KHDRBS2: variants seen among roughly 807,000 people sequenced by gnomAD.
The protein encoded by KHDRBS2 is KH RNA binding domain containing, signal transduction associated 2, also known as KH domain-containing, RNA-binding, signal transduction-associated protein 2.
KHDRBS2 carries 26 observed loss-of-function variants against 44.3 expected under a neutral mutation model. The ratio of observed to expected loss-of-function variants is 0.59; its 90% CI spans 0.43 to 0.81. KHDRBS2 has a LOEUF of 0.81. Among genes scored for constraint, KHDRBS2 ranks in the 40% least tolerant of loss-of-function variants. The pLI, the probability that KHDRBS2 is intolerant of heterozygous loss-of-function variation, is 0.00. For synonymous variants in KHDRBS2, 194 were observed against 151.1 expected, an observed-to-expected ratio of 1.28 and a Z score of -2.08; for missense variants, 476 against 433.1, an observed-to-expected ratio of 1.10 and a Z score of -0.88.
In KHDRBS2 at chr6:61,898,333, A is replaced by T. The variant is rs568235135; in HGVS notation, c.611+2911T>A. On this transcript the variant is annotated intron_variant, in intron 5 of 8. Coordinates refer to ENST00000281156, the MANE Select transcript of KHDRBS2 (RefSeq NM_152688.4). ...TTTCAAGCAATAACAAATATATAGT[A>T]TCGAGCACTTACTAAATATCCGATA... 3.9e-5 allele frequency among the ~76,000 whole-genome samples: 6 copies of T among 152,116 alleles called. No homozygotes were observed. In the South Asian group the frequency reaches 1.2e-3, roughly 32 times the overall value.
intron 3 of KHDRBS2, among the ~76,000 whole-genome samples, chr6:62,038,338 T>C (rs1785746979): frequency 6.6e-6 from 1 of 151,964 alleles, no homozygotes. Flanking sequence ...TTTTTTCTTT[T>C]TTGGTCTTTC....
rs7741757 is a variant in KHDRBS2 at position 62,111,762 on chromosome 6, G to A, written c.220-63768C>T. On this transcript the variant is annotated intron_variant, in intron 2 of 8. Transcript: ENST00000281156. The stretch of plus-strand genomic sequence containing the variant: ...CCGAGTATGGTGGCACACTTCTGTA[G>A]TCCTAGCTACATATGAGGCTGAGGT... 1.1e-3 allele frequency among the ~76,000 whole-genome samples: 162 copies of A among 152,058 alleles called. 1 individual carries two copies. The highest frequency in any genetic ancestry group is 3.7e-3 in the African/African-American group (152 of 41,496).
intron 1 of KHDRBS2, among the ~76,000 whole-genome samples, chr6:62,192,242 A>G (rs1824780732): frequency 1.3e-5 from 2 of 152,106 alleles, no homozygotes; most frequent in Admixed American, 6.6e-5. Flanking sequence ...TTACTAAGTT[A>G]TTTCTGATTT....
chr6:61,926,285 G>A (rs1389044467), intron 4 of KHDRBS2, among the ~76,000 whole-genome samples: 2 of 152,164 alleles, frequency 1.3e-5, no homozygotes, highest in African/African-American at 4.8e-5. Flanking sequence ...AGGACTGGGT[G>A]AGCTTAGAAG....
intron 2 of KHDRBS2, among the ~76,000 whole-genome samples, chr6:62,148,953 A>C (rs1814512909): frequency 6.6e-6 from 1 of 152,088 alleles, no homozygotes; most frequent in South Asian, 2.1e-4. Flanking sequence ...AAAAGAATGC[A>C]ACCACTTGCC....
intron 7 of KHDRBS2, among the ~76,000 whole-genome samples, chr6:61,710,567 GT>G (rs1326737420): frequency 2.6e-5 from 4 of 151,264 alleles, no homozygotes; most frequent in African/African-American, 4.9e-5. Flanking sequence ...AAAGACCCCA[GT>G]TTTTTTATGA....
At chr6:61,543,167 G>A in the KHDRBS2 span, among the ~76,000 whole-genome samples, 11 of 151,790 alleles carry the variant, frequency 7.2e-5, no homozygotes, top group Non-Finnish European at 2.9e-5. Context: ...TCTACAAAAT[G>A]GACAGACAAC....
chr6:61,806,138 G>A (rs1266545572), intron 6 of KHDRBS2, among the ~76,000 whole-genome samples: 1 of 152,158 alleles, frequency 6.6e-6, no homozygotes, highest in Middle Eastern at 3.2e-3. Flanking sequence ...TCCTCAAGAA[G>A]TGTGGTCTAC....
chr6:61,945,150 T>TAC lies in KHDRBS2; in HGVS notation c.483+32914_483+32915dup, dbSNP rs1554284675. Among the ~76,000 whole-genome samples, 302 of 86,988 alleles carry TAC rather than the reference T, an allele frequency of 3.5e-3. 14 individuals are homozygous for TAC. Among genetic ancestry groups the TAC allele is most frequent in the Non-Finnish European group, 3.4e-3 (147 of 43,546 alleles). The allele number at this position is 86,988 out of a possible 152,430, so 57.1% of individuals were successfully genotyped here. On this transcript the variant is annotated intron_variant, in intron 4 of 8. Coordinates refer to ENST00000281156, the MANE Select transcript of KHDRBS2 (RefSeq NM_152688.4). ...ATATATATATATATATATATATATA[T>TAC]ACACACAGACTTGTCTTGATAAAGT...
intron 6 of KHDRBS2, among the ~76,000 whole-genome samples, chr6:61,776,471 G>A (rs1782024644): frequency 6.6e-6 from 1 of 152,012 alleles, no homozygotes; most frequent in Non-Finnish European, 1.5e-5. Flanking sequence ...TCAAAAAGTG[G>A]GCAAAAGACA....
chr6:62,082,482 C>A (rs184612994), intron 2 of KHDRBS2, among the ~76,000 whole-genome samples: 3 of 151,936 alleles, frequency 2.0e-5, no homozygotes, highest in Admixed American at 1.3e-4. Flanking sequence ...CAGTGGATAC[C>A]CTTCTCCCTC....
At chr6:61,792,481 C>G (rs1784762680) in intron 6 of KHDRBS2, among the ~76,000 whole-genome samples, 1 of 151,564 alleles carries the variant, frequency 6.6e-6, no homozygotes, top group Non-Finnish European at 1.5e-5. Flanking sequence ...GGTAGATATA[C>G]CAATTAGTTT....
At chr6:61,671,022 C>T in the KHDRBS2 span, among the ~76,000 whole-genome samples, 1 of 151,550 alleles carries the variant, frequency 6.6e-6, no homozygotes, top group Non-Finnish European at 1.5e-5. Flanking sequence ...ACACAAGACA[C>T]TGAGAAGATA....
At chr6:61,606,611 C>A in the KHDRBS2 span, among the ~76,000 whole-genome samples, 3 of 152,160 alleles carry the variant, frequency 2.0e-5, no homozygotes, top group East Asian at 5.8e-4. Flanking sequence ...TAGAGCATGG[C>A]AAGACAGGTT....
chr6:61,729,648 A>T (rs1187354372), intron 7 of KHDRBS2, among the ~76,000 whole-genome samples: 82 of 152,272 alleles, frequency 5.4e-4, no homozygotes, highest in African/African-American at 1.9e-3. Context: ...CAATCTGTGT[A>T]CTAGTATCTA....
At chr6:61,857,412 C>A (rs535110430) in intron 6 of KHDRBS2, among the ~76,000 whole-genome samples, 2 of 151,866 alleles carry the variant, frequency 1.3e-5, no homozygotes, top group African/African-American at 4.8e-5. Flanking sequence ...AAATGATCAA[C>A]CACATTCATG....
intron 7 of KHDRBS2, among the ~76,000 whole-genome samples, chr6:61,720,058 T>G (rs917829495): frequency 6.6e-6 from 1 of 152,138 alleles, no homozygotes; most frequent in Non-Finnish European, 1.5e-5. Context: ...GATAGTTTAC[T>G]GAGAATGATG....
intron 2 of KHDRBS2, among the ~76,000 whole-genome samples, chr6:62,112,295 C>T (rs1336587843): frequency 6.6e-6 from 1 of 152,074 alleles, no homozygotes; most frequent in Non-Finnish European, 1.5e-5. Context: ...CTATAATCCT[C>T]AAATATTATT....
At chr6:61,974,890 C>T (rs1245098913) in intron 4 of KHDRBS2, among the ~76,000 whole-genome samples, 1 of 151,576 alleles carries the variant, frequency 6.6e-6, no homozygotes. Flanking sequence ...GAGATCGTTC[C>T]ATTGCATTCC....
Sources: allele counts gnomAD v4.1 joint callset (sites outside exome capture counted in the v4.1 genomes callset), GRCh38; gene constraint gnomAD v4.1.1; transcripts MANE v1.5; gene names NCBI Gene and HGNC (gene_info 2026-07-23, HGNC 2026-07-21).